The following GLDC variants were observed in gnomAD, a reference collection of about 807,000 sequenced individuals.
GLDC encodes glycine dehydrogenase (decarboxylating), mitochondrial.
A neutral mutation model predicts 121.3 loss-of-function variants in GLDC; 104 were observed. The observed-to-expected ratio is 0.86, with a 90% CI of 0.73 to 1.01. The LOEUF (loss-of-function observed/expected upper bound fraction) is 1.01, where lower values mean the gene tolerates loss of function less well. GLDC is among the 50% of genes least tolerant of loss of function. The pLI, the probability that GLDC is intolerant of heterozygous loss-of-function variation, is 0.00. For missense variants in GLDC, 1,429 were observed against 1,306.6 expected, an observed-to-expected ratio of 1.09 and a Z score of -1.44; for synonymous variants, 546 against 480.6, an observed-to-expected ratio of 1.14 and a Z score of -1.78.
intron 4 of GLDC, among the ~76,000 whole-genome samples, chr9:6,609,670 C>T (rs1261944047): frequency 2.0e-5 from 3 of 152,000 alleles, no homozygotes; most frequent in African/African-American, 7.3e-5. Flanking sequence ...ATTGAGCTTC[C>T]CCCTCCCCTG....
chr9:6,613,091 T>G (rs2129926805), intron 3 of GLDC, among the ~76,000 whole-genome samples: 1 of 152,318 alleles, frequency 6.6e-6, no homozygotes, highest in South Asian at 2.1e-4. Context: ...AATTTTCTTT[T>G]TATTGTATGT....
chr9:6,597,405 T>A (rs1375931821), intron 8 of GLDC, among the ~76,000 whole-genome samples: 1 of 152,122 alleles, frequency 6.6e-6, no homozygotes, highest in East Asian at 1.9e-4. Flanking sequence ...GCTAATAAAG[T>A]GTAAATTATT....
intron 2 of GLDC, among the ~76,000 whole-genome samples, chr9:6,628,836 C>T (rs915021395): frequency 2.0e-5 from 3 of 152,194 alleles, no homozygotes; most frequent in Non-Finnish European, 4.4e-5. Context: ...TTTGCACTCT[C>T]AGCCATGAAG....
rs556480135 is a variant in GLDC at position 6,540,281 on chromosome 9, C to T, written c.2570-135G>A. On this transcript the variant is annotated intron_variant, in intron 21 of 24. Transcript: ENST00000321612. ...GCGAGGACCAAGAAGCCATGGGCAC[C>T]GGGTAAGTTTATTATTGGCAATAAA... The T allele has an allele frequency of 7.0e-5, 49 of 701,466 alleles. 1 individual carries two copies. The highest frequency in any genetic ancestry group is 4.8e-4 in the African/African-American group (27 of 56,220). The allele number at this position is 701,466 out of a possible 1,614,324, so 43.5% of individuals were successfully genotyped here. A position where few individuals can be genotyped will look rare whatever the true frequency, so the allele number is the denominator to read the frequency against.
intron 15 of GLDC, among the ~76,000 whole-genome samples, chr9:6,576,540 C>G (rs935131178): frequency 1.4e-4 from 22 of 152,124 alleles, no homozygotes; most frequent in African/African-American, 4.1e-4. Flanking sequence ...GATCTTGGCT[C>G]ACTGCAACCT....
At chr9:6,625,614 G>T (rs1313463164) in intron 2 of GLDC, among the ~76,000 whole-genome samples, 1 of 152,196 alleles carries the variant, frequency 6.6e-6, no homozygotes, top group African/African-American at 2.4e-5. Flanking sequence ...CAAAATTACA[G>T]TCCCTCACTA....
At chr9:6,609,977 A>C (rs1402695359) in intron 4 of GLDC, among the ~76,000 whole-genome samples, 1 of 151,984 alleles carries the variant, frequency 6.6e-6, no homozygotes, top group Non-Finnish European at 1.5e-5. Flanking sequence ...ATCTTCCCCA[A>C]CCCCAACCAA....
intron 22 of GLDC, among the ~76,000 whole-genome samples, chr9:6,537,317 C>A (rs1474136613): frequency 6.6e-6 from 1 of 152,154 alleles, no homozygotes; most frequent in Non-Finnish European, 1.5e-5. Flanking sequence ...CCACACCAGG[C>A]CTATGAAACT....
rs574169394 is a variant in GLDC, at chr9:6,585,104, T to C, written c.1850+2037A>G. 2.0e-5 allele frequency: 3 copies of C among 152,334 alleles called. No homozygotes were observed. The South Asian group carries it at 6.2e-4, about 32-fold the overall frequency. 9.4% of individuals were successfully genotyped at this position (152,334 alleles called of 1,614,324 possible). On this transcript the variant is annotated intron_variant, in intron 15 of 24. Coordinates refer to ENST00000321612, the MANE Select transcript of GLDC (RefSeq NM_000170.3). Reference sequence around the variant, plus strand: ...ATTATGATTCAATCTGGGATTGTGATGTGGGCATCAGGGATGTTATAAAGT... The same window carrying C: ...ATTATGATTCAATCTGGGATTGTGACGTGGGCATCAGGGATGTTATAAAGT...
Position 6,534,614 on chromosome 9 carries a change from G to C in GLDC, c.2919+94C>G, listed in dbSNP as rs527751660. The stretch of plus-strand genomic sequence containing the variant: ...TATTTCACAAGGTGCCCCACATATG[G>C]TTTCTGTAATCATGAGGCTAAGAGC... On this transcript the variant is annotated intron_variant, in intron 24 of 24. Transcript: ENST00000321612. 164 of 735,726 alleles carry C rather than the reference G, an allele frequency of 2.2e-4. No individual in the cohort carries two copies. The East Asian group carries it at 4.2e-3, about 19-fold the overall frequency. 45.6% of individuals were successfully genotyped at this position (735,726 alleles called of 1,614,324 possible). A position where few individuals can be genotyped will look rare whatever the true frequency, so the allele number is the denominator to read the frequency against.
At chr9:6,552,642 C>T (rs1307754155) in intron 20 of GLDC, among the ~76,000 whole-genome samples, 10 of 152,040 alleles carry the variant, frequency 6.6e-5, no homozygotes, top group Admixed American at 1.3e-4. Flanking sequence ...AGTGGGAGCC[C>T]GCCTTCCTTT....
At chr9:6,588,498 T>C in intron 13 of GLDC, 56 bp from the exon 14 acceptor site, 2 of 1,505,076 alleles carry the variant, frequency 1.3e-6, no homozygotes, top group East Asian at 2.3e-5. Context: ...AGTCCATCAA[T>C]CAACCCTCCA....
At chr9:6,631,772 T>A (rs1250070421) in intron 2 of GLDC, among the ~76,000 whole-genome samples, 2 of 152,114 alleles carry the variant, frequency 1.3e-5, no homozygotes, top group African/African-American at 4.8e-5. Flanking sequence ...TTTTTATAGA[T>A]CAAAGGCATA....
At chr9:6,577,583 A>T (rs1434986892) in intron 15 of GLDC, among the ~76,000 whole-genome samples, 1 of 152,228 alleles carries the variant, frequency 6.6e-6, no homozygotes, top group Non-Finnish European at 1.5e-5. Context: ...AGGCTTTAAA[A>T]ATTTTAAATA....
chr9:6,539,997 G>C, intron 22 of GLDC, 54 bp downstream of exon 22: 1 of 1,098,854 alleles, frequency 9.1e-7, no homozygotes, highest in Non-Finnish European at 1.4e-6. Context: ...TTGTGCTTTA[G>C]GAAGTGGTCC....
chr9:6,601,610 T>C (rs1818613085), intron 8 of GLDC, among the ~76,000 whole-genome samples: 1 of 152,032 alleles, frequency 6.6e-6, no homozygotes, highest in African/African-American at 2.4e-5. Flanking sequence ...ACAGTGTCTT[T>C]TTCTTTAACT....
intron 15 of GLDC, among the ~76,000 whole-genome samples, chr9:6,579,823 C>G (rs1017007663): frequency 4.6e-5 from 7 of 152,222 alleles, no homozygotes; most frequent in African/African-American, 1.7e-4. Flanking sequence ...TGAGCACTCT[C>G]CCTGTGCTTC....
At chr9:6,620,410 T>C in intron 2 of GLDC, 91 bp from the exon 3 acceptor site, 2 of 1,078,036 alleles carry the variant, frequency 1.9e-6, no homozygotes, top group Non-Finnish European at 1.4e-6. Context: ...TTTGAGTATT[T>C]ATGACAGAAT....
intron 8 of GLDC, among the ~76,000 whole-genome samples, chr9:6,599,796 T>G (rs889737480): frequency 4.0e-5 from 6 of 151,894 alleles, no homozygotes; most frequent in Admixed American, 1.3e-4. Context: ...GAAAAGCCTG[T>G]GCCAACCACC....
Sources: gnomAD v4.1 joint callset for allele counts (sites outside exome capture counted in the v4.1 genomes callset) on GRCh38, gnomAD v4.1.1 for gene constraint, MANE v1.5 for transcripts, NCBI Gene and HGNC (gene_info 2026-07-23, HGNC 2026-07-21) for gene names.